The following DHX15 variants were observed in gnomAD, a reference collection of about 807,000 sequenced individuals.
The protein encoded by DHX15 is DEAH-box helicase 15.
In DHX15, 11 loss-of-function variants were observed where a neutral mutation model predicts 94.4. The ratio of observed to expected loss-of-function variants is 0.12; its 90% CI spans 0.07 to 0.19. The LOEUF (loss-of-function observed/expected upper bound fraction) is 0.19, where lower values mean the gene tolerates loss of function less well. Among genes scored for constraint, DHX15 ranks in the 10% least tolerant of loss-of-function variants. The pLI, the probability that DHX15 is intolerant of heterozygous loss-of-function variation, is 1.00. For missense variants in DHX15, 304 were observed against 988.5 expected (o/e 0.31, Z 9.29); for synonymous variants, 338 against 329.9 (o/e 1.02, Z -0.27).
chr4:24,543,604 T>C (rs1250074212), intron 6 of DHX15, among the ~76,000 whole-genome samples: 3 of 152,152 alleles, frequency 2.0e-5, no homozygotes, highest in African/African-American at 7.2e-5. Context: ...TGTAATACGT[T>C]ACTACATACA....
intron 13 of DHX15, among the ~76,000 whole-genome samples, chr4:24,529,105 C>T (rs1721025484): frequency 6.6e-6 from 1 of 152,120 alleles, no homozygotes; most frequent in Non-Finnish European, 1.5e-5. Context: ...CTCACTGCAA[C>T]CTCAAACTCC....
chr4:24,577,840 C>G (rs1722308807), intron 1 of DHX15, among the ~76,000 whole-genome samples: 1 of 152,034 alleles, frequency 6.6e-6, no homozygotes, highest in Admixed American at 6.6e-5. Context: ...TACTTCAGAC[C>G]AAGTCCATCA....
chr4:24,543,134 A>C (rs1560763682), intron 6 of DHX15, 108 bp from the exon 7 acceptor site: 1 of 693,948 alleles, frequency 1.4e-6, no homozygotes, highest in Non-Finnish European at 2.4e-6. Context: ...TCAAGCCAGC[A>C]AATAAACTAG....
intron 6 of DHX15, among the ~76,000 whole-genome samples, chr4:24,545,146 C>T (rs900073249): frequency 2.6e-5 from 4 of 152,160 alleles, no homozygotes; most frequent in African/African-American, 9.7e-5. Flanking sequence ...CCTGTAAATA[C>T]AGAAGACGTC....
At chr4:24,539,786 AAAC>A (rs1244259381) in intron 10 of DHX15, 1 of 174,354 alleles carries the variant, frequency 5.7e-6, no homozygotes, top group Non-Finnish European at 1.2e-5. Flanking sequence ...AAAAAACAAA[AAAC>A]AAAAAAACCA....
Position 24,552,311 on chromosome 4 carries a change from T to C in DHX15, c.1080+2414A>G, listed in dbSNP as rs182857361. Among the ~76,000 whole-genome samples the C allele has an allele frequency of 6.2e-3, 947 of 152,296 alleles. 9 individuals are homozygous for C. The highest frequency in any genetic ancestry group is 0.014 in the Middle Eastern group (4 of 294). On this transcript the variant is annotated intron_variant, in intron 5 of 13. Transcript: ENST00000336812. Reference sequence around the variant, plus strand: ...GCAGCAATATGTTAGTAAATTAATCTGGACCTTACCAATTAACTCACTGCA... The same window carrying C: ...GCAGCAATATGTTAGTAAATTAATCCGGACCTTACCAATTAACTCACTGCA...
intron 1 of DHX15, among the ~76,000 whole-genome samples, chr4:24,583,921 T>C (rs933361715): frequency 2.0e-5 from 3 of 152,124 alleles, no homozygotes; most frequent in African/African-American, 7.2e-5. Context: ...CCTGCTGCCC[T>C]TGGAAGCGAA....
chr4:24,531,234 A>G (rs565743073), intron 12 of DHX15, among the ~76,000 whole-genome samples: 38 of 151,834 alleles, frequency 2.5e-4, no homozygotes, highest in African/African-American at 8.2e-4. Flanking sequence ...GACTACAGGC[A>G]CCCGCCACCG....
chr4:24,569,500 G>A (rs1199750891), intron 3 of DHX15, among the ~76,000 whole-genome samples: 2 of 146,910 alleles, frequency 1.4e-5, no homozygotes, highest in South Asian at 2.2e-4. Flanking sequence ...GCTGAGGCAG[G>A]AGAATCGCTT....
chr4:24,547,940 T>C (rs1436047185), intron 6 of DHX15, among the ~76,000 whole-genome samples: 11 of 33,238 alleles, frequency 3.3e-4, no homozygotes, highest in African/African-American at 1.8e-3. Flanking sequence ...TATATATATA[T>C]ATCTATATCT....
At chr4:24,529,864 T>C in intron 12 of DHX15, 94 bp from the exon 13 acceptor site, 1 of 1,237,074 alleles carries the variant, frequency 8.1e-7, no homozygotes, top group Non-Finnish European at 1.2e-6. Context: ...GGCCTCCCTT[T>C]TACTTTTCAT....
At chr4:24,581,274 C>G (rs943935851) in intron 1 of DHX15, among the ~76,000 whole-genome samples, 2 of 152,032 alleles carry the variant, frequency 1.3e-5, no homozygotes, top group Non-Finnish European at 2.9e-5. Context: ...GTGATCCACC[C>G]GCCTCGGCCT....
At chr4:24,576,750 A>C in intron 1 of DHX15, 72 bp from the exon 2 acceptor site, 1 of 1,552,274 alleles carries the variant, frequency 6.4e-7, no homozygotes. Context: ...ATAATCACAA[A>C]GAGAGTAAAT....
At position 24,576,483 on chromosome 4, in the gene DHX15, T is replaced by C. The variant is rs752365573; in HGVS notation, c.267A>G (p.Ala89=). ...CAGAATGTGTTGAATGCGTTGAATGTGCTGAGTGGGTTGAGTGAGCTGAAT... is the reference window on the plus strand; with the variant it reads ...CAGAATGTGTTGAATGCGTTGAATGCGCTGAGTGGGTTGAGTGAGCTGAAT... ...ASHSAHSTHS[A]HSTHSTHSAH... Residue 89 remains alanine, a synonymous_variant, in exon 2 of 14, where the codon GCA becomes GCG. Coordinates refer to ENST00000336812, the MANE Select transcript of DHX15 (RefSeq NM_001358.3). The C allele has an allele frequency of 3.0e-5, 49 of 1,614,096 alleles. No homozygotes were observed. In the South Asian group the frequency reaches 5.3e-4, roughly 17 times the overall value.
rs896565649 is a variant in DHX15, at chr4:24,551,721, AC to A, written c.1081-2700del. Among the ~76,000 whole-genome samples, 5 of 152,226 alleles carry A rather than the reference AC, an allele frequency of 3.3e-5. 1 individual carries two copies. The highest frequency in any genetic ancestry group is 1.2e-4 in the African/African-American group (5 of 41,464). ...AATTAAGAGCTCTCCAACTTAAAAA[AC>A]ATTTGAACATAATATAAAACTAGGA... On this transcript the variant is annotated intron_variant, in intron 5 of 13. Coordinates refer to ENST00000336812, the MANE Select transcript of DHX15 (RefSeq NM_001358.3).
intron 3 of DHX15, among the ~76,000 whole-genome samples, chr4:24,565,754 T>A (rs1193002915): frequency 1.3e-5 from 2 of 152,264 alleles, no homozygotes; most frequent in African/African-American, 4.8e-5. Context: ...ATATCTACCA[T>A]CATCACCAAC....
rs28637544 is a variant in DHX15 at position 24,569,906 on chromosome 4, G to A, written c.701+748C>T. ...CTGCTTCAGCCTACGAAGTGGCTGG[G>A]AATAAACAGGCATATGCCACTGAGC... On this transcript the variant is annotated intron_variant, in intron 3 of 13. Coordinates refer to ENST00000336812, the MANE Select transcript of DHX15 (RefSeq NM_001358.3). Among the ~76,000 whole-genome samples, 879 of 152,302 alleles carry A rather than the reference G, an allele frequency of 5.8e-3. 9 individuals carry two copies. The highest frequency in any genetic ancestry group is 0.02 in the African/African-American group (843 of 41,558).
chr4:24,535,964 A>C (rs1021036015), intron 11 of DHX15, among the ~76,000 whole-genome samples: 1 of 152,204 alleles, frequency 6.6e-6, no homozygotes, highest in Non-Finnish European at 1.5e-5. Flanking sequence ...TTAGTGACAG[A>C]ATTCCACATT....
intron 2 of DHX15, among the ~76,000 whole-genome samples, chr4:24,574,067 A>G (rs993993828): frequency 3.3e-5 from 5 of 151,274 alleles, no homozygotes; most frequent in Non-Finnish European, 7.4e-5. Context: ...ATAGCCAGGC[A>G]TGGTGGTGCG....
Sources: gnomAD v4.1 joint callset for allele counts (sites outside exome capture counted in the v4.1 genomes callset) on GRCh38, gnomAD v4.1.1 for gene constraint, MANE v1.5 for transcripts, NCBI Gene and HGNC (gene_info 2026-07-23, HGNC 2026-07-21) for gene names.